ATP2C2: variants seen among roughly 807,000 people sequenced by gnomAD.
The protein encoded by ATP2C2 is ATPase secretory pathway Ca2+ transporting 2, also known as calcium-transporting ATPase type 2C member 2.
Under a neutral mutation model 110.8 loss-of-function variants are expected in ATP2C2, and 171 were observed. That is an observed-to-expected ratio of 1.54 (90% CI 1.36 to 1.75). The LOEUF is 1.75. Ranked by LOEUF, ATP2C2 falls within the 40% of genes most tolerant of loss-of-function variation. ATP2C2 has a pLI of 0.00. For synonymous variants in ATP2C2, 804 were observed against 508.4 expected, an observed-to-expected ratio of 1.58 and a Z score of -7.82; for missense variants, 1,963 against 1,235.0, an observed-to-expected ratio of 1.59 and a Z score of -8.84.
rs1241264869 is a variant in ATP2C2 at position 84,430,644 on chromosome 16, A to C, written c.986+4843A>C. On this transcript the variant is annotated intron_variant, in intron 11 of 26. Coordinates refer to ENST00000262429, the MANE Select transcript of ATP2C2 (RefSeq NM_014861.4). ...AGCAGAGTGAGACACCATCTCAAAA[A>C]AAAAAAAAAAAAAGTCAGTTCTAGA... Among the ~76,000 whole-genome samples, 230 of 149,968 alleles carry C rather than the reference A, an allele frequency of 1.5e-3. 1 individual carries two copies. Among genetic ancestry groups the C allele is most frequent in the African/African-American group, 5.4e-3 (219 of 40,792 alleles).
At chr16:84,405,451 A>C (rs2055970100) in intron 3 of ATP2C2, among the ~76,000 whole-genome samples, 2 of 152,024 alleles carry the variant, frequency 1.3e-5, no homozygotes, top group South Asian at 4.1e-4. Flanking sequence ...ACTTTCGTAG[A>C]CAGTTGAGCA....
At chr16:84,372,167 A>G (rs1002835726) in intron 1 of ATP2C2, among the ~76,000 whole-genome samples, 1 of 151,986 alleles carries the variant, frequency 6.6e-6, no homozygotes, top group African/African-American at 2.4e-5. Context: ...GCAGTGGGGG[A>G]TCGTTGAAGG....
chr16:84,413,798 T>A (rs1056463814), intron 6 of ATP2C2, among the ~76,000 whole-genome samples: 18 of 151,990 alleles, frequency 1.2e-4, no homozygotes, highest in Admixed American at 1.2e-3. Context: ...CGGGACCCCC[T>A]CCCTGTGTTA....
chr16:84,463,581 G>C (rs368738313), intron 26 of ATP2C2, 33 bp from the exon 27 acceptor site: 2 of 1,579,380 alleles, frequency 1.3e-6, no homozygotes, highest in East Asian at 4.5e-5. Flanking sequence ...GCTGCAGCCC[G>C]TCCTGAATCT....
chr16:84,459,297 TCTGTCCACC>T lies in ATP2C2; in HGVS notation c.2245_2253del (p.Leu749_Thr751del), dbSNP rs1567464746. The T allele has an allele frequency of 6.2e-7, 1 of 1,614,162 alleles. No individual in the cohort carries two copies. Among genetic ancestry groups the T allele is most frequent in the East Asian group, 2.2e-5 (1 of 44,886 alleles). The stretch of plus-strand genomic sequence containing the variant: ...GCATCTCCGCCCTGAGTCTCATCAC[TCTGTCCACC>T]GTGTTCAACCTGCCCAGCCCCCTCA... On this transcript the variant is annotated inframe_deletion, in exon 23 of 27. Transcript: ENST00000262429.
intron 1 of ATP2C2, among the ~76,000 whole-genome samples, chr16:84,390,077 C>T (rs1356658701): frequency 6.6e-6 from 1 of 152,198 alleles, no homozygotes. Context: ...ATACCCTTAG[C>T]CCCCCACATT....
At chr16:84,415,298 A>T (rs1906731759) in intron 6 of ATP2C2, among the ~76,000 whole-genome samples, 185 bp from the exon 7 acceptor site, 1 of 152,186 alleles carries the variant, frequency 6.6e-6, no homozygotes, top group Admixed American at 6.5e-5. Flanking sequence ...ATGCCCAGAA[A>T]CCACATACTT....
At chr16:84,371,423 T>C (rs756086099) in intron 1 of ATP2C2, among the ~76,000 whole-genome samples, 5 of 152,148 alleles carry the variant, frequency 3.3e-5, no homozygotes, top group Non-Finnish European at 5.9e-5. Context: ...GAGGATTGCT[T>C]GCACCTGGGA....
At position 84,425,813 on chromosome 16, in the gene ATP2C2, A is replaced by C; in HGVS notation, c.986+12A>C. On this transcript the variant is annotated intron_variant, in intron 11 of 26. Transcript: ENST00000262429. ...ACGATCGGGGTCAGGTAAGAGTGCT[A>C]TGGCCGCCCCTTGCCTTGCCAGGGT... 1 of 1,613,930 alleles carries C rather than the reference A, an allele frequency of 6.2e-7. No individual in the cohort carries two copies. Among genetic ancestry groups the C allele is most frequent in the Non-Finnish European group, 8.5e-7 (1 of 1,179,892 alleles).
At position 84,454,949 on chromosome 16, in the gene ATP2C2, C is replaced by T. The variant is rs965912886; in HGVS notation, c.2112C>T (p.Asn704=). The change falls in exon 21 of 27, where the codon AAC becomes AAT. Residue 704 remains asparagine, a synonymous_variant. Coordinates refer to ENST00000262429, the MANE Select transcript of ATP2C2 (RefSeq NM_014861.4). ...TGTDVSKEAA[N]MILVDDDFSA... ...CGGACGTCAGCAAAGAGGCCGCCAA[C>T]ATGATCCTGGTGGATGATGACTTCT... 4 of 1,613,588 alleles carry T rather than the reference C, an allele frequency of 2.5e-6. No homozygotes were observed. The highest frequency in any genetic ancestry group is 2.7e-5 in the African/African-American group (2 of 74,888).
intron 1 of ATP2C2, among the ~76,000 whole-genome samples, chr16:84,371,935 C>T (rs893037288): frequency 2.0e-5 from 3 of 152,208 alleles, no homozygotes; most frequent in Non-Finnish European, 4.4e-5. Flanking sequence ...GAGACAGGCA[C>T]CCAGCAACTG....
intron 1 of ATP2C2, among the ~76,000 whole-genome samples, chr16:84,376,313 C>T (rs1910246737): frequency 6.6e-6 from 1 of 152,296 alleles, no homozygotes; most frequent in Non-Finnish European, 1.5e-5. Context: ...GTGGGGCAGA[C>T]TGCCAATAGC....
rs76145431 is a variant in ATP2C2, at chr16:84,370,804, C to G, written c.99+2090C>G. Among the ~76,000 whole-genome samples, 476 of 152,146 alleles carry G rather than the reference C, an allele frequency of 3.1e-3. 3 individuals are homozygous for G. Among genetic ancestry groups the G allele is most frequent in the African/African-American group, 0.011 (455 of 41,502 alleles). The stretch of plus-strand genomic sequence containing the variant: ...GATGCCTGTAGGAGGCCTCTAAGCC[C>G]TCCCCTCCCCCAGCCACTTTGACCA... On this transcript the variant is annotated intron_variant, in intron 1 of 26. Transcript: ENST00000262429.
At chr16:84,422,966 C>G (rs141220263) in intron 9 of ATP2C2, among the ~76,000 whole-genome samples, 5 of 152,214 alleles carry the variant, frequency 3.3e-5, no homozygotes, top group African/African-American at 1.2e-4. Flanking sequence ...CACCTGGCCT[C>G]TTTTCAAACA....
intron 7 of ATP2C2, among the ~76,000 whole-genome samples, chr16:84,420,354 C>G (rs1325716177): frequency 6.6e-6 from 1 of 152,120 alleles, no homozygotes; most frequent in Non-Finnish European, 1.5e-5. Flanking sequence ...CAGTCCAAAC[C>G]CACACTCACT....
At position 84,453,288 on chromosome 16, in the gene ATP2C2, C is replaced by T. The variant is rs765874732; in HGVS notation, c.1930-33C>T. 6.6e-5 allele frequency: 106 copies of T among 1,614,148 alleles called. 1 individual carries two copies. The South Asian group carries it at 1.1e-3, about 17-fold the overall frequency. ...TGGGGCTGGGTCACAGCTTTGAAAT[C>T]TGATTCTTCGTCTTCCCCGTCTCCG... is the stretch of plus-strand genomic sequence containing the variant. On this transcript the variant is annotated intron_variant, in intron 19 of 26. Transcript: ENST00000262429.
Position 84,463,774 on chromosome 16 carries a change from G to T in ATP2C2, c.*42G>T, listed in dbSNP as rs575714718. On this transcript the variant is annotated 3_prime_UTR_variant, in exon 27 of 27. Coordinates refer to ENST00000262429, the MANE Select transcript of ATP2C2 (RefSeq NM_014861.4). ...GCACCTTCCCTAATCATCTCGATCT[G>T]GTTGTGACTGTGGCCCCTGCCGTGT... is the stretch of plus-strand genomic sequence containing the variant. The T allele has an allele frequency of 1.3e-6, 2 of 1,535,054 alleles. No individual in the cohort carries two copies. Among genetic ancestry groups the T allele is most frequent in the East Asian group, 2.3e-5 (1 of 44,378 alleles).
At chr16:84,439,119 C>G (rs1909002428) in intron 11 of ATP2C2, 47 bp from the exon 12 acceptor site, 1 of 1,604,966 alleles carries the variant, frequency 6.2e-7, no homozygotes, top group African/African-American at 1.3e-5. Context: ...GAGAGTCACA[C>G]ACTCCTTAAA....
At chr16:84,395,380 T>A (rs1460991511) in intron 1 of ATP2C2, among the ~76,000 whole-genome samples, 1 of 152,006 alleles carries the variant, frequency 6.6e-6, no homozygotes, top group Non-Finnish European at 1.5e-5. Context: ...GCCCTGGGCC[T>A]TCAGATGTCC....
Sources: gnomAD v4.1 joint callset for allele counts (sites outside exome capture counted in the v4.1 genomes callset) on GRCh38, gnomAD v4.1.1 for gene constraint, MANE v1.5 for transcripts, NCBI Gene and HGNC (gene_info 2026-07-23, HGNC 2026-07-21) for gene names.